SDK1: variants seen among roughly 807,000 people sequenced by gnomAD.
The protein encoded by SDK1 is protein sidekick-1.
SDK1 carries 157 observed loss-of-function variants against 245.5 expected under a neutral mutation model. The ratio of observed to expected loss-of-function variants is 0.64; its 90% CI spans 0.56 to 0.73. The LOEUF is 0.73. Among genes scored for constraint, SDK1 ranks in the 30% least tolerant of loss-of-function variants. The pLI, the probability that SDK1 is intolerant of heterozygous loss-of-function variation, is 0.00. For synonymous variants in SDK1, 1,647 were observed against 1,278.5 expected (o/e 1.29, Z -6.15); for missense variants, 3,583 against 3,002.3 (o/e 1.19, Z -4.52).
intron 13 of SDK1, among the ~76,000 whole-genome samples, chr7:3,985,204 C>A (rs1783728975): frequency 6.6e-6 from 1 of 152,252 alleles, no homozygotes; most frequent in Non-Finnish European, 1.5e-5. Context: ...GAGAGGTTCA[C>A]CATGGTGGCG....
At chr7:3,647,138 C>G (rs374068634) in intron 4 of SDK1, among the ~76,000 whole-genome samples, 1 of 152,184 alleles carries the variant, frequency 6.6e-6, no homozygotes, top group Non-Finnish European at 1.5e-5. Flanking sequence ...GTACTCCCAG[C>G]GCTCTGGGAG....
chr7:3,921,745 C>T (rs1779592802), intron 5 of SDK1, among the ~76,000 whole-genome samples: 2 of 152,106 alleles, frequency 1.3e-5, no homozygotes, highest in African/African-American at 4.8e-5. Flanking sequence ...GCAGGAGGAT[C>T]ACTTGAGCCC....
chr7:3,906,103 T>C (rs1381657666), intron 5 of SDK1, among the ~76,000 whole-genome samples: 4 of 152,214 alleles, frequency 2.6e-5, no homozygotes, highest in Non-Finnish European at 2.9e-5. Context: ...TCAATCTCTT[T>C]TTCATTCAGT....
intron 1 of SDK1, among the ~76,000 whole-genome samples, chr7:3,498,971 T>A (rs1782108952): frequency 6.6e-6 from 1 of 152,198 alleles, no homozygotes; most frequent in Non-Finnish European, 1.5e-5. Flanking sequence ...CTAACTTTTA[T>A]TGGTTGATTG....
intron 31 of SDK1, among the ~76,000 whole-genome samples, chr7:4,159,716 G>A (rs1354128064): frequency 3.3e-5 from 5 of 152,232 alleles, no homozygotes; most frequent in South Asian, 2.1e-4. Context: ...GTCCCACATC[G>A]TTAGATTCAA....
chr7:3,987,264 C>G lies in SDK1; in HGVS notation c.2073C>G (p.Val691=), dbSNP rs535295330. The G allele has an allele frequency of 5.9e-5, 95 of 1,614,132 alleles. 1 individual carries two copies. The South Asian group carries it at 9.9e-4, about 17-fold the overall frequency. The change falls in exon 14 of 45, where the codon GTC becomes GTG. Residue 691 remains valine (V), a synonymous_variant. Transcript: ENST00000404826. ...GCCACGCCGTGGTGCTCTCTTGGGT[C>G]CGGCCCTTTGATGGAAACAGTCCTA... ...SHSHAVVLSW[V]RPFDGNSPIL... is the part of the protein sequence containing the mutation.
chr7:3,782,365 C>T (rs1780772701), intron 4 of SDK1, among the ~76,000 whole-genome samples: 1 of 152,096 alleles, frequency 6.6e-6, no homozygotes, highest in Non-Finnish European at 1.5e-5. Flanking sequence ...TCCCCATGAC[C>T]CACACACCTC....
At chr7:3,894,408 T>C (rs567297595) in intron 5 of SDK1, among the ~76,000 whole-genome samples, 25 of 150,428 alleles carry the variant, frequency 1.7e-4, no homozygotes, top group Non-Finnish European at 5.9e-5. Flanking sequence ...TGGAAGCTCC[T>C]GACAGCCTCT....
In SDK1 at chr7:4,011,069, G is replaced by A. The variant is rs763391599; in HGVS notation, c.2235G>A (p.Ala745=). Residue 745 remains alanine (A), a synonymous_variant, in exon 15 of 45, where the codon GCG becomes GCA. Transcript: ENST00000404826. ...PARTYQFRVC[A]VNEVGRGQYS... The stretch of plus-strand genomic sequence containing the variant: ...GTACCTATCAATTCCGGGTGTGCGC[G>A]GTGAATGAAGTGGGCAGGGGCCAGT... The A allele has an allele frequency of 3.3e-5, 53 of 1,613,984 alleles. No individual in the cohort carries two copies. Among genetic ancestry groups the A allele is most frequent in the Middle Eastern group, 3.3e-4 (2 of 6,084 alleles).
intron 1 of SDK1, among the ~76,000 whole-genome samples, chr7:3,586,427 G>T (rs1423553936): frequency 1.6e-4 from 24 of 151,880 alleles, no homozygotes; most frequent in Admixed American, 1.6e-3. Flanking sequence ...GCCGGGCGCG[G>T]TGGCTCACGC....
chr7:3,712,620 T>C (rs1040495031), intron 4 of SDK1, among the ~76,000 whole-genome samples: 3 of 152,144 alleles, frequency 2.0e-5, no homozygotes, highest in African/African-American at 7.2e-5. Flanking sequence ...ATAACGATAT[T>C]GTCATGTTGT....
chr7:3,971,362 A>G, intron 11 of SDK1, 104 bp from the exon 12 acceptor site: 3 of 751,464 alleles, frequency 4.0e-6, no homozygotes, highest in Non-Finnish European at 4.7e-6. Flanking sequence ...GATGAGAGAA[A>G]ACTCGGAGGT....
chr7:3,698,268 G>A (rs1168061016), intron 4 of SDK1, among the ~76,000 whole-genome samples: 6 of 152,180 alleles, frequency 3.9e-5, no homozygotes, highest in Admixed American at 6.5e-5. Flanking sequence ...GACTTTCAGC[G>A]TGACCCCCAT....
At chr7:3,845,476 G>A (rs1780253386) in intron 5 of SDK1, among the ~76,000 whole-genome samples, 2 of 122,708 alleles carry the variant, frequency 1.6e-5, no homozygotes, top group African/African-American at 3.3e-5. Context: ...GTGACAGAGT[G>A]AGACTCCGTC....
At chr7:3,370,336 G>T (rs1443107566) in intron 1 of SDK1, among the ~76,000 whole-genome samples, 6 of 152,158 alleles carry the variant, frequency 3.9e-5, no homozygotes, top group Non-Finnish European at 8.8e-5. Context: ...TTACACAAAT[G>T]TTAACCCCTG....
intron 1 of SDK1, among the ~76,000 whole-genome samples, chr7:3,410,215 C>T (rs1264887304): frequency 3.9e-5 from 6 of 152,070 alleles, no homozygotes; most frequent in African/African-American, 1.4e-4. Context: ...TGACATGACA[C>T]CTCAAAGTGG....
At chr7:4,180,164 C>G (rs1240175063) in intron 35 of SDK1, among the ~76,000 whole-genome samples, 1 of 152,118 alleles carries the variant, frequency 6.6e-6, no homozygotes, top group Non-Finnish European at 1.5e-5. Flanking sequence ...AGCTCCAGCT[C>G]TATGCCCAGC....
At chr7:3,932,112 C>G (rs1321371816) in intron 5 of SDK1, among the ~76,000 whole-genome samples, 1 of 152,198 alleles carries the variant, frequency 6.6e-6, no homozygotes, top group South Asian at 2.1e-4. Context: ...TATATTTGAA[C>G]AATCACATAA....
chr7:3,840,464 T>C (rs1252763763), intron 5 of SDK1, among the ~76,000 whole-genome samples: 1 of 152,180 alleles, frequency 6.6e-6, no homozygotes, highest in Non-Finnish European at 1.5e-5. Context: ...TTGTGAATTA[T>C]CGGACTAAAC....
Sources: gnomAD v4.1 joint callset for allele counts (sites outside exome capture counted in the v4.1 genomes callset) on GRCh38, gnomAD v4.1.1 for gene constraint, MANE v1.5 for transcripts, NCBI Gene and HGNC (gene_info 2026-07-23, HGNC 2026-07-21) for gene names.